KLHL32: variants seen among roughly 807,000 people sequenced by gnomAD.
KLHL32 encodes kelch like family member 32.
Under a neutral mutation model 64.8 loss-of-function variants are expected in KLHL32, and 35 were observed. That is an observed-to-expected ratio of 0.54 (90% confidence interval 0.41 to 0.72). The LOEUF (loss-of-function observed/expected upper bound fraction) is 0.72. Ranked by LOEUF, KLHL32 falls within the 30% of genes least tolerant of loss-of-function variation. The pLI, the probability that KLHL32 is intolerant of heterozygous loss-of-function variation, is 0.00. For synonymous variants in KLHL32, 259 were observed against 281.0 expected, an observed-to-expected ratio of 0.92 and a Z score of 0.78; for missense variants, 589 against 768.5, an observed-to-expected ratio of 0.77 and a Z score of 2.76.
intron 6 of KLHL32, among the ~76,000 whole-genome samples, chr6:97,092,224 C>T (rs934402307): frequency 4.6e-5 from 7 of 152,106 alleles, no homozygotes; most frequent in Non-Finnish European, 8.8e-5. Flanking sequence ...CTCCTGACCT[C>T]GTGATCCACC....
At chr6:97,016,524 A>AT (rs1471443057) in intron 3 of KLHL32, among the ~76,000 whole-genome samples, 1 of 152,118 alleles carries the variant, frequency 6.6e-6, no homozygotes, top group Non-Finnish European at 1.5e-5. Context: ...TTGTACACCC[A>AT]TTTTATCTAG....
At chr6:97,130,691 A>G in intron 8 of KLHL32, 66 bp from the exon 9 acceptor site, 1 of 1,293,304 alleles carries the variant, frequency 7.7e-7, no homozygotes, top group Non-Finnish European at 1.1e-6. Flanking sequence ...CTTATGAGGC[A>G]CTCGTTGCTG....
At chr6:97,025,617 T>C (rs1217087891) in intron 3 of KLHL32, among the ~76,000 whole-genome samples, 1 of 152,220 alleles carries the variant, frequency 6.6e-6, no homozygotes, top group Non-Finnish European at 1.5e-5. Context: ...TCTGTTTGTC[T>C]TTCTTTGAAT....
chr6:96,995,885 AG>A (rs1778361808), intron 3 of KLHL32, among the ~76,000 whole-genome samples: 1 of 152,244 alleles, frequency 6.6e-6, no homozygotes, highest in Non-Finnish European at 1.5e-5. Context: ...TATGTGTGGC[AG>A]CCCCCTTACC....
intron 4 of KLHL32, among the ~76,000 whole-genome samples, chr6:97,044,220 A>G (rs1582827420): frequency 6.6e-6 from 1 of 152,106 alleles, no homozygotes; most frequent in African/African-American, 2.4e-5. Context: ...AATTTTGTCA[A>G]ATGCTTTTTC....
At chr6:96,926,299 G>A (rs1199248677) in intron 1 of KLHL32, among the ~76,000 whole-genome samples, 1 of 152,224 alleles carries the variant, frequency 6.6e-6, no homozygotes, top group Admixed American at 6.5e-5. Context: ...CTGTCATAGA[G>A]AGTGTAATAA....
At chr6:97,100,859 G>A (rs898234879) in intron 6 of KLHL32, among the ~76,000 whole-genome samples, 36 of 138,282 alleles carry the variant, frequency 2.6e-4, no homozygotes, top group Admixed American at 1.2e-3. Context: ...GCTGGATGCA[G>A]TGACACAATC....
At chr6:96,964,522 C>G (rs1293609018) in intron 1 of KLHL32, among the ~76,000 whole-genome samples, 4 of 152,116 alleles carry the variant, frequency 2.6e-5, no homozygotes, top group African/African-American at 7.2e-5. Context: ...GCGTGTTGGC[C>G]GGCGCCTGTA....
chr6:97,035,536 T>A (rs1340701958), intron 3 of KLHL32, among the ~76,000 whole-genome samples: 2 of 152,142 alleles, frequency 1.3e-5, no homozygotes, highest in Non-Finnish European at 2.9e-5. Context: ...TGACAAACTC[T>A]CTCAGTTTTT....
chr6:97,059,958 T>C (rs1306078814), intron 4 of KLHL32, among the ~76,000 whole-genome samples: 1 of 152,156 alleles, frequency 6.6e-6, no homozygotes, highest in Non-Finnish European at 1.5e-5. Context: ...TAATCATTTA[T>C]TCTCATAAAT....
intron 1 of KLHL32, among the ~76,000 whole-genome samples, chr6:96,932,632 A>G (rs918592781): frequency 3.1e-5 from 4 of 129,440 alleles, no homozygotes; most frequent in Admixed American, 8.9e-5. Context: ...GCAGTGGTAT[A>G]GTCAGCTCAT....
At chr6:97,032,328 G>T (rs989881250) in intron 3 of KLHL32, among the ~76,000 whole-genome samples, 2 of 152,038 alleles carry the variant, frequency 1.3e-5, no homozygotes, top group Non-Finnish European at 2.9e-5. Flanking sequence ...TAATTGTATT[G>T]ATATAAAATG....
rs182338779 is a variant in KLHL32, at chr6:97,055,667, A to G, written c.313-8961A>G. ...ACAAAAATTAACCAGGTGTGGTGAC[A>G]TGTGCCTGTACTCCCAGCTAGTTGA... is the stretch of plus-strand genomic sequence containing the variant. On this transcript the variant is annotated intron_variant, in intron 4 of 10. Coordinates refer to ENST00000369261, the MANE Select transcript of KLHL32 (RefSeq NM_052904.4). Among the ~76,000 whole-genome samples the G allele has an allele frequency of 9.2e-5, 14 of 152,032 alleles. No individual in the cohort carries two copies. The East Asian group carries it at 2.7e-3, about 29-fold the overall frequency.
At chr6:97,056,223 A>G (rs566779922) in intron 4 of KLHL32, among the ~76,000 whole-genome samples, 2 of 146,894 alleles carry the variant, frequency 1.4e-5, no homozygotes, top group African/African-American at 5.1e-5. Flanking sequence ...CTCCTGCCTC[A>G]GCCTCCCTAG....
intron 3 of KLHL32, among the ~76,000 whole-genome samples, chr6:97,003,370 GTTCCC>G (rs1779275752): frequency 7.0e-6 from 1 of 143,754 alleles, no homozygotes; most frequent in African/African-American, 2.7e-5. Flanking sequence ...GTTAATTTAA[GTTCCC>G]TATAGATTCT....
chr6:97,035,663 T>A (rs1784187924), intron 3 of KLHL32, among the ~76,000 whole-genome samples: 1 of 152,138 alleles, frequency 6.6e-6, no homozygotes. Flanking sequence ...CACTCTCTTC[T>A]GGCCTGCAAC....
At chr6:97,074,580 A>G (rs1001686049) in intron 5 of KLHL32, among the ~76,000 whole-genome samples, 2 of 151,062 alleles carry the variant, frequency 1.3e-5, no homozygotes, top group African/African-American at 2.4e-5. Flanking sequence ...TGATTAAGAC[A>G]GTCTGTAGGT....
At chr6:97,074,157 T>C (rs1791213965) in intron 5 of KLHL32, among the ~76,000 whole-genome samples, 1 of 152,196 alleles carries the variant, frequency 6.6e-6, no homozygotes, top group African/African-American at 2.4e-5. Context: ...TCCAGAGTAA[T>C]GATTCCTAAA....
chr6:96,910,325 C>A, the KLHL32 span, among the ~76,000 whole-genome samples: 1 of 151,868 alleles, frequency 6.6e-6, no homozygotes, highest in African/African-American at 2.4e-5. Context: ...GTCTCTGTGG[C>A]TATGTCAGAG....
Sources: allele counts gnomAD v4.1 joint callset (sites outside exome capture counted in the v4.1 genomes callset), GRCh38; gene constraint gnomAD v4.1.1; transcripts MANE v1.5; gene names NCBI Gene and HGNC (gene_info 2026-07-23, HGNC 2026-07-21).